HERC2: variants seen among roughly 807,000 people sequenced by gnomAD.
The protein encoded by HERC2 is E3 ubiquitin-protein ligase HERC2.
In HERC2, 102 loss-of-function variants were observed where a neutral mutation model predicts 537.7. The observed-to-expected ratio is 0.19, with a 90% CI of 0.16 to 0.22. HERC2 has a LOEUF of 0.22. Among genes scored for constraint, HERC2 ranks in the 10% least tolerant of loss-of-function variants. The pLI, the probability that HERC2 is intolerant of heterozygous loss-of-function variation, is 1.00. For missense variants in HERC2, 4,236 were observed against 6,198.2 expected (o/e 0.68, Z 10.63); for synonymous variants, 2,224 against 2,466.2 (o/e 0.90, Z 2.91).
At chr15:28,200,430 A>C (rs1403562898) in intron 48 of HERC2, among the ~76,000 whole-genome samples, 1 of 152,100 alleles carries the variant, frequency 6.6e-6, no homozygotes, top group Non-Finnish European at 1.5e-5. Context: ...GCCACCTACA[A>C]GCCAGGAAGA....
At chr15:28,190,304 C>A (rs1018729062) in intron 55 of HERC2, 2 of 151,918 alleles carry the variant, frequency 1.3e-5, no homozygotes, top group Non-Finnish European at 2.9e-5. Context: ...CAGGCGTGAG[C>A]CACCGCGCCC....
chr15:28,241,459 C>T (rs1903110975), intron 23 of HERC2, among the ~76,000 whole-genome samples: 1 of 151,958 alleles, frequency 6.6e-6, no homozygotes. Context: ...CTATGGCAAC[C>T]CCTCAAAAAA....
chr15:28,207,064 C>T (rs1383673288), intron 44 of HERC2, among the ~76,000 whole-genome samples: 1 of 151,506 alleles, frequency 6.6e-6, no homozygotes, highest in African/African-American at 2.4e-5. Context: ...TGCTTTTGGT[C>T]TCTGTCCTTC....
intron 23 of HERC2, among the ~76,000 whole-genome samples, chr15:28,240,745 G>A (rs551241448): frequency 6.4e-4 from 98 of 152,302 alleles, no homozygotes; most frequent in South Asian, 5.6e-3. Context: ...AATCCATCAC[G>A]TATTTGGTCA....
chr15:28,184,843 C>T (rs368633461), intron 56 of HERC2, among the ~76,000 whole-genome samples: 9 of 150,690 alleles, frequency 6.0e-5, no homozygotes, highest in African/African-American at 1.7e-4. Context: ...GCCTAGGTGA[C>T]GGAGCAAGAC....
chr15:28,265,438 C>A lies in HERC2; in HGVS notation c.1870+180G>T, dbSNP rs1432275863. Among the ~76,000 whole-genome samples, 1 of 152,148 alleles carries A rather than the reference C, an allele frequency of 6.6e-6. No homozygotes were observed. The highest frequency in any genetic ancestry group is 2.4e-5 in the African/African-American group (1 of 41,442). ...CGGCAGCTGCTAACCAGCTGAGAGG[C>A]CTCAGGCAAACAAGCCCAGTAACCA... On this transcript the variant is annotated intron_variant, in intron 14 of 92. Coordinates refer to ENST00000261609, the MANE Select transcript of HERC2 (RefSeq NM_004667.6). This position sits in a 1 kb window ranked among gnomAD's most constrained non-coding sequence, Gnocchi z 4.0.
chr15:28,136,134 T>A (rs968942482), intron 78 of HERC2, among the ~76,000 whole-genome samples: 10 of 152,212 alleles, frequency 6.6e-5, no homozygotes, highest in Non-Finnish European at 7.3e-5. Context: ...ACACCTTTTT[T>A]TTTTTTAATC....
intron 56 of HERC2, among the ~76,000 whole-genome samples, chr15:28,184,678 G>A (rs760930654): frequency 6.6e-6 from 1 of 151,752 alleles, no homozygotes; most frequent in Non-Finnish European, 1.5e-5. Flanking sequence ...TGGCTAACAC[G>A]GTGAAAGCCC....
intron 4 of HERC2, among the ~76,000 whole-genome samples, chr15:28,291,704 A>G (rs1596404930): frequency 1.3e-5 from 2 of 152,160 alleles, no homozygotes; most frequent in East Asian, 3.9e-4. Context: ...AAGTCCATCC[A>G]TGATAAAGAA....
chr15:28,135,460 A>C lies in HERC2; in HGVS notation c.12230+18T>G. 1 of 1,590,422 alleles carries C rather than the reference A, an allele frequency of 6.3e-7. No individual in the cohort carries two copies. The highest frequency in any genetic ancestry group is 2.2e-5 in the East Asian group (1 of 44,640). The stretch of plus-strand genomic sequence containing the variant: ...ACAAAGACAAATAGAATGTTGAAAT[A>C]ATTTTTTCACATCATACCTTCTGTT... On this transcript the variant is annotated intron_variant, in intron 79 of 92. Coordinates refer to ENST00000261609, the MANE Select transcript of HERC2 (RefSeq NM_004667.6).
In HERC2 at chr15:28,229,362, A is replaced by C; in HGVS notation, c.5121-16T>G. 1 of 1,612,836 alleles carries C rather than the reference A, an allele frequency of 6.2e-7. No individual in the cohort carries two copies. Among genetic ancestry groups the C allele is most frequent in the East Asian group, 2.2e-5 (1 of 44,866 alleles). ...AAGAGGTTCCCTTTCAAATAAAGAT[A>C]AAGAATTTGACTTGGGACACTGCCA... On this transcript the variant is annotated splice_polypyrimidine_tract_variant and intron_variant, in intron 33 of 92. Coordinates refer to ENST00000261609, the MANE Select transcript of HERC2 (RefSeq NM_004667.6).
At chr15:28,162,772 T>C (rs564861994) in intron 69 of HERC2, among the ~76,000 whole-genome samples, 51 of 152,274 alleles carry the variant, frequency 3.3e-4, no homozygotes, top group African/African-American at 1.1e-3. Context: ...GCACCTGTAG[T>C]CCCAGCTACT....
intron 73 of HERC2, 41 bp downstream of exon 73, chr15:28,144,036 C>A (rs762765070): frequency 4.3e-6 from 7 of 1,614,076 alleles, no homozygotes; most frequent in Non-Finnish European, 5.9e-6. Context: ...ATGGTTTCTT[C>A]CAAGCAGGAA....
Position 28,292,745 on chromosome 15 carries a change from T to C in HERC2, c.322+143A>G, listed in dbSNP as rs575069742. On this transcript the variant is annotated intron_variant, in intron 4 of 92. Coordinates refer to ENST00000261609, the MANE Select transcript of HERC2 (RefSeq NM_004667.6). The stretch of plus-strand genomic sequence containing the variant: ...ATGGTTAAAACGGTAAGTTTTATGG[T>C]ATGTATATTTTACCACAATATTTAA... 2.0e-3 allele frequency: 1,654 copies of C among 808,594 alleles called. 3 individuals carry two copies. Among genetic ancestry groups the C allele is most frequent in the Non-Finnish European group, 3.0e-3 (1,514 of 504,452 alleles). 50.1% of individuals were successfully genotyped at this position (808,594 alleles called of 1,614,324 possible). A position where few individuals can be genotyped will look rare whatever the true frequency, so the allele number is the denominator to read the frequency against.
chr15:28,293,839 T>C (rs2076389128), intron 3 of HERC2, among the ~76,000 whole-genome samples: 1 of 152,186 alleles, frequency 6.6e-6, no homozygotes, highest in African/African-American at 2.4e-5. Context: ...AAAAATCACT[T>C]TAGGCCACTG....
chr15:28,179,308 C>T (rs1895602827), intron 57 of HERC2, 85 bp from the exon 58 acceptor site: 1 of 1,017,828 alleles, frequency 9.8e-7, no homozygotes, highest in Non-Finnish European at 1.5e-6. Context: ...TTATATGATA[C>T]AAGGAATTAC....
intron 6 of HERC2, 81 bp downstream of exon 6, chr15:28,274,824 C>A: frequency 9.3e-7 from 1 of 1,072,104 alleles, no homozygotes; most frequent in Non-Finnish European, 1.4e-6. Flanking sequence ...CCAAAGGGCA[C>A]ATGGTGGCTG....
rs190054009 is a variant in HERC2, at chr15:28,315,074, C to A, written c.72+6288G>T. On this transcript the variant is annotated intron_variant, in intron 2 of 92. Transcript: ENST00000261609. The stretch of plus-strand genomic sequence containing the variant: ...CTCCTATGTTACTGCCACCTCTTCT[C>A]AATGAGCTGCAAATACAACCAATTG... 3.3e-5 allele frequency among the ~76,000 whole-genome samples: 5 copies of A among 152,336 alleles called. No homozygotes were observed. The East Asian group carries it at 9.6e-4, about 29-fold the overall frequency.
rs2881294 is a variant in HERC2 at position 28,296,605 on chromosome 15, A to T, written c.187+2797T>A. On this transcript the variant is annotated intron_variant, in intron 3 of 92. Transcript: ENST00000261609. ...GTTTCACAGAAAACACTTTGGGAAA[A>T]ATTTTAATTTATAAACAAATACTGG... is the stretch of plus-strand genomic sequence containing the variant. 3.9e-3 allele frequency among the ~76,000 whole-genome samples: 591 copies of T among 151,472 alleles called. 5 individuals are homozygous for T. The highest frequency in any genetic ancestry group is 0.014 in the African/African-American group (560 of 40,982).
Sources: gnomAD v4.1 joint callset for allele counts (sites outside exome capture counted in the v4.1 genomes callset) on GRCh38, gnomAD v4.1.1 for gene constraint, Gnocchi (gnomAD v3.1) non-coding constraint, MANE v1.5 for transcripts, NCBI Gene and HGNC (gene_info 2026-07-23, HGNC 2026-07-21) for gene names.